The following COG5 variants were observed in gnomAD, a reference collection of about 807,000 sequenced individuals.
COG5 encodes component of oligomeric golgi complex 5.
In COG5, 86 loss-of-function variants were observed where a neutral mutation model predicts 110.4. The ratio of observed to expected loss-of-function variants is 0.78; its 90% confidence interval spans 0.65 to 0.93. The LOEUF is 0.93. COG5 is among the 40% of genes least tolerant of loss of function. The pLI, the probability that COG5 is intolerant of heterozygous loss-of-function variation, is 0.00. For missense variants in COG5, 1,077 were observed against 987.0 expected (o/e 1.09, Z -1.22); for synonymous variants, 360 against 334.6 (o/e 1.08, Z -0.83).
chr7:107,349,589 G>A (rs1225696833), intron 10 of COG5, among the ~76,000 whole-genome samples: 27 of 151,396 alleles, frequency 1.8e-4, no homozygotes, highest in Non-Finnish European at 3.4e-4. Context: ...ACAGAGTCTC[G>A]CTCTGTCGCC....
chr7:107,317,318 T>C (rs549235892), intron 11 of COG5, among the ~76,000 whole-genome samples: 8 of 152,078 alleles, frequency 5.3e-5, no homozygotes, highest in Admixed American at 5.2e-4. Flanking sequence ...CAAAATAGAA[T>C]ACCGGAGAGA....
intron 8 of COG5, among the ~76,000 whole-genome samples, chr7:107,362,894 T>C (rs1052333052): frequency 6.6e-6 from 1 of 151,702 alleles, no homozygotes; most frequent in Non-Finnish European, 1.5e-5. Flanking sequence ...ATTGACAATA[T>C]AACCACACAG....
intron 6 of COG5, chr7:107,470,180 C>A (rs1025509476): frequency 6.6e-6 from 1 of 152,180 alleles, no homozygotes; most frequent in Admixed American, 6.5e-5. Context: ...AAATTACTTT[C>A]ATTATGTATT....
chr7:107,551,834 C>G (rs2129175578), intron 3 of COG5, among the ~76,000 whole-genome samples: 1 of 152,288 alleles, frequency 6.6e-6, no homozygotes, highest in Non-Finnish European at 1.5e-5. Context: ...CCAGGCTGGT[C>G]TTGAACTCTG....
Position 107,455,156 on chromosome 7 carries a change from G to A in COG5, c.539-42524C>T, listed in dbSNP as rs935127230. Reference sequence around the variant, plus strand: ...ATGAATACAAAATTTAAAGCAGCAGGAATAAAGTGAGAAGAGAGCATGTTA... The same window carrying A: ...ATGAATACAAAATTTAAAGCAGCAGAAATAAAGTGAGAAGAGAGCATGTTA... On this transcript the variant is annotated intron_variant, in intron 6 of 21. Coordinates refer to ENST00000297135, the MANE Select transcript of COG5 (RefSeq NM_006348.5). 5.9e-5 allele frequency among the ~76,000 whole-genome samples: 9 copies of A among 152,306 alleles called. No homozygotes were observed. The South Asian group carries it at 1.0e-3, about 18-fold the overall frequency.
intron 12 of COG5, among the ~76,000 whole-genome samples, chr7:107,285,315 C>T (rs1441934066): frequency 6.6e-6 from 1 of 152,160 alleles, no homozygotes; most frequent in Non-Finnish European, 1.5e-5. Context: ...TTAAATGTCA[C>T]TATTTTTACT....
At chr7:107,454,879 A>C (rs1795564976) in intron 6 of COG5, among the ~76,000 whole-genome samples, 1 of 152,178 alleles carries the variant, frequency 6.6e-6, no homozygotes, top group Non-Finnish European at 1.5e-5. Flanking sequence ...CCTTTTAGAG[A>C]GTATTTCCTT....
chr7:107,300,534 A>G (rs1405580362), intron 11 of COG5, among the ~76,000 whole-genome samples: 1 of 152,222 alleles, frequency 6.6e-6, no homozygotes, highest in Non-Finnish European at 1.5e-5. Context: ...TATACTAGCA[A>G]TGAACAATCA....
chr7:107,246,200 A>C (rs1802043367), intron 17 of COG5, among the ~76,000 whole-genome samples: 1 of 152,204 alleles, frequency 6.6e-6, no homozygotes, highest in Non-Finnish European at 1.5e-5. Flanking sequence ...CTTACACCAT[A>C]CACAAAAATC....
rs1305178461 is a variant in COG5, at chr7:107,298,279, T to G, written c.1176A>C (p.Leu392Phe). 1.2e-6 allele frequency: 2 copies of G among 1,613,668 alleles called. No homozygotes were observed. The highest frequency in any genetic ancestry group is 1.1e-5 in the South Asian group (1 of 91,070). ...GACTGTATTGTTGAAGACGCTTCCA[T>G]AAGTCATTATAAAGACGTAATAATT... The part of the protein sequence containing the change: ...YPKLLRLYND[L>F]WKRLQQYSQH... Residue 392 changes from leucine (L) to phenylalanine (F), a missense_variant, in exon 12 of 22, where the codon TTA becomes TTC. By Grantham distance (22) the Leu-to-Phe change is conservative. Coordinates refer to ENST00000297135, the MANE Select transcript of COG5 (RefSeq NM_006348.5).
At chr7:107,374,304 T>C (rs1342416465) in intron 7 of COG5, among the ~76,000 whole-genome samples, 1 of 152,098 alleles carries the variant, frequency 6.6e-6, no homozygotes, top group African/African-American at 2.4e-5. Context: ...TAAAGAAATT[T>C]CCCATGTCAT....
At chr7:107,255,399 A>T (rs1160092459) in intron 16 of COG5, among the ~76,000 whole-genome samples, 1 of 152,136 alleles carries the variant, frequency 6.6e-6, no homozygotes, top group Non-Finnish European at 1.5e-5. Flanking sequence ...CAATGAATCA[A>T]ATCCATTCAT....
intron 7 of COG5, among the ~76,000 whole-genome samples, chr7:107,386,219 A>G (rs1255929857): frequency 6.8e-6 from 1 of 148,034 alleles, no homozygotes. Context: ...TTTAAAGACT[A>G]AACTTAGACC....
At chr7:107,504,895 G>C (rs1798879113) in intron 6 of COG5, among the ~76,000 whole-genome samples, 1 of 151,288 alleles carries the variant, frequency 6.6e-6, no homozygotes. Context: ...TTTTTTTCTT[G>C]GTTCATCTAG....
At chr7:107,476,606 A>T (rs1437899566) in intron 6 of COG5, among the ~76,000 whole-genome samples, 1 of 151,726 alleles carries the variant, frequency 6.6e-6, no homozygotes, top group African/African-American at 2.4e-5. Context: ...TGGGAACCTC[A>T]TATCAAACAA....
intron 6 of COG5, among the ~76,000 whole-genome samples, chr7:107,470,779 T>C (rs1281272967): frequency 6.6e-6 from 1 of 152,126 alleles, no homozygotes; most frequent in East Asian, 1.9e-4. Flanking sequence ...AGGTTTACTA[T>C]TTTGCTGTTA....
chr7:107,533,166 C>T (rs771232767), intron 5 of COG5, among the ~76,000 whole-genome samples: 2 of 151,458 alleles, frequency 1.3e-5, no homozygotes, highest in Non-Finnish European at 2.9e-5. Flanking sequence ...CCAAAGGTCA[C>T]CAACAGCAAA....
chr7:107,540,029 G>C (rs1266200907), intron 5 of COG5, among the ~76,000 whole-genome samples: 1 of 152,162 alleles, frequency 6.6e-6, no homozygotes, highest in East Asian at 1.9e-4. Context: ...GGGAAGTAGA[G>C]ATTACATTTC....
chr7:107,285,255 G>GT (rs1554406348), intron 12 of COG5, among the ~76,000 whole-genome samples: 1 of 152,132 alleles, frequency 6.6e-6, no homozygotes, highest in Non-Finnish European at 1.5e-5. Context: ...AAAGAACTTA[G>GT]TATCTAAATG....
Sources: allele counts gnomAD v4.1 joint callset (sites outside exome capture counted in the v4.1 genomes callset), GRCh38; gene constraint gnomAD v4.1.1; transcripts MANE v1.5; gene names NCBI Gene and HGNC (gene_info 2026-07-23, HGNC 2026-07-21).